Variants in CTNNA3 observed in about 807,000 individuals in gnomAD.
CTNNA3 encodes catenin alpha-3.
Under a neutral mutation model 95.7 loss-of-function variants are expected in CTNNA3, and 76 were observed. The ratio of observed to expected loss-of-function variants is 0.79; its 90% CI spans 0.66 to 0.96. The LOEUF (loss-of-function observed/expected upper bound fraction) is 0.96, where lower values mean the gene tolerates loss of function less well. Ranked by LOEUF, CTNNA3 falls within the 40% of genes least tolerant of loss-of-function variation. The pLI, the probability that CTNNA3 is intolerant of heterozygous loss-of-function variation, is 0.00. For missense variants in CTNNA3, 1,191 were observed against 1,089.8 expected (o/e 1.09, Z -1.31); for synonymous variants, 431 against 374.4 (o/e 1.15, Z -1.74).
At chr10:67,635,659 G>T (rs1839287469) in intron 2 of CTNNA3, among the ~76,000 whole-genome samples, 1 of 152,022 alleles carries the variant, frequency 6.6e-6, no homozygotes, top group South Asian at 2.1e-4. Context: ...AGGTATTGAA[G>T]GAATATACCT....
intron 5 of CTNNA3, among the ~76,000 whole-genome samples, chr10:67,476,099 A>C (rs1847999554): frequency 6.6e-6 from 1 of 152,220 alleles, no homozygotes. Flanking sequence ...CACATTTGCT[A>C]CACAAAGTTC....
intron 8 of CTNNA3, among the ~76,000 whole-genome samples, chr10:66,766,939 C>T (rs890245175): frequency 6.6e-6 from 1 of 152,086 alleles, no homozygotes; most frequent in African/African-American, 2.4e-5. Flanking sequence ...GTTTGATGTC[C>T]AATTTTCCCC....
chr10:66,446,052 G>A (rs1251758189), intron 11 of CTNNA3, among the ~76,000 whole-genome samples: 2 of 151,822 alleles, frequency 1.3e-5, no homozygotes, highest in African/African-American at 2.4e-5. Flanking sequence ...ACACCTCTAA[G>A]CAAATAAACT....
At chr10:67,280,078 G>A (rs1023104955) in intron 5 of CTNNA3, among the ~76,000 whole-genome samples, 3 of 150,352 alleles carry the variant, frequency 2.0e-5, no homozygotes, top group Non-Finnish European at 3.0e-5. Flanking sequence ...TTGGCATGCT[G>A]AGTTCTTTTA....
At chr10:67,099,834 C>T (rs1464659365) in intron 7 of CTNNA3, 1 of 151,492 alleles carries the variant, frequency 6.6e-6, no homozygotes, top group African/African-American at 2.4e-5. Flanking sequence ...TTTCTAATTT[C>T]CTTGCAATGT....
At chr10:66,229,381 T>C (rs2089474120) in intron 13 of CTNNA3, among the ~76,000 whole-genome samples, 1 of 152,198 alleles carries the variant, frequency 6.6e-6, no homozygotes, top group South Asian at 2.1e-4. Context: ...TGTCAGGCTC[T>C]CTTATGCAAT....
At chr10:67,526,080 A>C (rs1356646814) in intron 4 of CTNNA3, among the ~76,000 whole-genome samples, 1 of 152,216 alleles carries the variant, frequency 6.6e-6, no homozygotes, top group African/African-American at 2.4e-5. Flanking sequence ...TCAAAAAAAT[A>C]ATATATTGAT....
chr10:66,086,105 T>C (rs2080972898), intron 14 of CTNNA3, among the ~76,000 whole-genome samples: 1 of 152,112 alleles, frequency 6.6e-6, no homozygotes, highest in African/African-American at 2.4e-5. Flanking sequence ...ACATCTGGAT[T>C]AGAAAGGCCC....
intron 16 of CTNNA3, among the ~76,000 whole-genome samples, chr10:65,971,379 G>GGTTT (rs565520287): frequency 7.1e-6 from 1 of 140,090 alleles, no homozygotes; most frequent in African/African-American, 2.6e-5. Flanking sequence ...CCAAAGTTGT[G>GGTTT]TTTTTTTTTT....
At chr10:66,627,177 T>A (rs1319401651) in intron 9 of CTNNA3, among the ~76,000 whole-genome samples, 1 of 152,100 alleles carries the variant, frequency 6.6e-6, no homozygotes, top group African/African-American at 2.4e-5. Flanking sequence ...GAGAAAAGGC[T>A]AAAAATTAAA....
At chr10:66,671,782 A>T (rs2132473898) in intron 9 of CTNNA3, among the ~76,000 whole-genome samples, 1 of 152,302 alleles carries the variant, frequency 6.6e-6, no homozygotes, top group Non-Finnish European at 1.5e-5. Flanking sequence ...GGCTTGAGGC[A>T]AATTATTCAG....
chr10:67,762,383 C>CCCCA (rs1491429702), intron 1 of CTNNA3, among the ~76,000 whole-genome samples: 1 of 136,972 alleles, frequency 7.3e-6, no homozygotes, highest in Non-Finnish European at 1.6e-5. Flanking sequence ...CTCCCCCCCC[C>CCCCA]AAAAAAAAAA....
At chr10:66,403,846 C>T (rs2132568694) in intron 11 of CTNNA3, among the ~76,000 whole-genome samples, 1 of 152,286 alleles carries the variant, frequency 6.6e-6, no homozygotes, top group Non-Finnish European at 1.5e-5. Flanking sequence ...ATCAGCCAAG[C>T]TAACTTTGCG....
At chr10:67,484,434 T>C (rs143718527) in intron 5 of CTNNA3, among the ~76,000 whole-genome samples, 1 of 151,976 alleles carries the variant, frequency 6.6e-6, no homozygotes, top group African/African-American at 2.4e-5. Context: ...TCAAAACCAT[T>C]TACCAAAAAA....
chr10:66,446,999 G>A (rs562561918), intron 11 of CTNNA3, among the ~76,000 whole-genome samples: 40 of 151,706 alleles, frequency 2.6e-4, no homozygotes, highest in Admixed American at 8.5e-4. Flanking sequence ...AAATCAATGT[G>A]CAAAAATCAC....
At chr10:66,452,099 G>C (rs1228250014) in intron 11 of CTNNA3, among the ~76,000 whole-genome samples, 1 of 152,188 alleles carries the variant, frequency 6.6e-6, no homozygotes, top group Non-Finnish European at 1.5e-5. Context: ...CTGAGGCCAA[G>C]TGGCAGTGTA....
chr10:67,163,502 C>T (rs1205138816), intron 7 of CTNNA3, among the ~76,000 whole-genome samples: 1 of 151,960 alleles, frequency 6.6e-6, no homozygotes, highest in Non-Finnish European at 1.5e-5. Flanking sequence ...AAAAAGAGAT[C>T]TAAAGCTAAC....
intron 7 of CTNNA3, among the ~76,000 whole-genome samples, chr10:67,116,382 C>T (rs948274559): frequency 3.3e-5 from 5 of 151,980 alleles, no homozygotes; most frequent in South Asian, 4.2e-4. Context: ...AAATAAAGTA[C>T]GATAGATATA....
intron 10 of CTNNA3, among the ~76,000 whole-genome samples, chr10:66,570,720 C>G (rs567910611): frequency 6.6e-6 from 1 of 151,844 alleles, no homozygotes; most frequent in Non-Finnish European, 1.5e-5. Flanking sequence ...ATAAAGACAT[C>G]CCACTTGAAT....
Sources: gnomAD v4.1 joint callset for allele counts (sites outside exome capture counted in the v4.1 genomes callset) on GRCh38, gnomAD v4.1.1 for gene constraint, MANE v1.5 for transcripts, NCBI Gene and HGNC (gene_info 2026-07-23, HGNC 2026-07-21) for gene names.